The following PDE4D variants were observed in gnomAD, a reference collection of about 807,000 sequenced individuals.
PDE4D encodes 3',5'-cyclic-AMP phosphodiesterase 4D.
A neutral mutation model predicts 87.4 loss-of-function variants in PDE4D; 24 were observed. That is an observed-to-expected ratio of 0.27 (90% confidence interval 0.20 to 0.39). The LOEUF (loss-of-function observed/expected upper bound fraction) is 0.39, where lower values mean the gene tolerates loss of function less well. Ranked by LOEUF, PDE4D falls within the 10% of genes least tolerant of loss-of-function variation. The pLI is 1.00. For missense variants in PDE4D, 714 were observed against 1,041.0 expected (o/e 0.69, Z 4.32); for synonymous variants, 384 against 383.2 (o/e 1.00, Z -0.02).
At chr5:60,079,425 G>A (rs1172582187) in intron 2 of PDE4D, among the ~76,000 whole-genome samples, 1 of 152,098 alleles carries the variant, frequency 6.6e-6, no homozygotes, top group Non-Finnish European at 1.5e-5. Context: ...ATTGCCTTTG[G>A]TGTTTTTGTC....
rs140270775 is a variant in PDE4D at position 60,289,399 on chromosome 5, T to C, written c.-89-103712A>G. Among the ~76,000 whole-genome samples the C allele has an allele frequency of 1.1e-4, 17 of 152,254 alleles. No homozygotes were observed. The East Asian group carries it at 3.1e-3, about 28-fold the overall frequency. On this transcript the variant is annotated intron_variant, in intron 1 of 16. Coordinates refer to the PDE4D transcript ENST00000502484. ...AGTTCTGGAGTAAATTTTAGACAAT[T>C]TGGGTGATCCTATAAATCATGATAA...
At chr5:59,869,124 C>T (rs917318063) in intron 1 of PDE4D, among the ~76,000 whole-genome samples, 13 of 152,174 alleles carry the variant, frequency 8.5e-5, no homozygotes, top group African/African-American at 1.4e-4. Context: ...ATGGAGCTGA[C>T]GATCTGGCTA....
At chr5:60,477,733 C>A (rs1748437022) in intron 1 of PDE4D, among the ~76,000 whole-genome samples, 2 of 152,184 alleles carry the variant, frequency 1.3e-5, no homozygotes, top group African/African-American at 4.8e-5. Context: ...GTGTTGCCAA[C>A]TACCATTTTA....
At chr5:59,747,834 C>T (rs955625646) in intron 1 of PDE4D, among the ~76,000 whole-genome samples, 21 of 152,146 alleles carry the variant, frequency 1.4e-4, no homozygotes, top group African/African-American at 4.6e-4. Flanking sequence ...CTCCTTACCC[C>T]TATTCCCCCA....
At chr5:59,521,892 C>T (rs762615929) in intron 1 of PDE4D, among the ~76,000 whole-genome samples, 3 of 151,958 alleles carry the variant, frequency 2.0e-5, no homozygotes, top group Admixed American at 1.3e-4. Flanking sequence ...ATTTGTTAAC[C>T]GTTGAAGGTT....
At chr5:59,649,905 CTTTTTTT>C (rs1156467369) in intron 1 of PDE4D, among the ~76,000 whole-genome samples, 41 of 72,404 alleles carry the variant, frequency 5.7e-4, no homozygotes, top group African/African-American at 2.6e-3. Context: ...GTTTGTGAAC[CTTTTTTT>C]TTTTTTTTTT....
intron 1 of PDE4D, among the ~76,000 whole-genome samples, chr5:59,564,277 G>A (rs1820530732): frequency 6.6e-6 from 1 of 152,204 alleles, no homozygotes; most frequent in Non-Finnish European, 1.5e-5. Flanking sequence ...TAGAAAGGGA[G>A]CTTCAGGTGA....
chr5:59,026,842 T>C (rs1332476676), intron 6 of PDE4D, among the ~76,000 whole-genome samples: 1 of 152,234 alleles, frequency 6.6e-6, no homozygotes, highest in Non-Finnish European at 1.5e-5. Flanking sequence ...AAAACTTGTG[T>C]AGACATTACA....
chr5:59,609,882 C>G (rs763308892), intron 1 of PDE4D, among the ~76,000 whole-genome samples: 1 of 152,064 alleles, frequency 6.6e-6, no homozygotes, highest in African/African-American at 2.4e-5. Flanking sequence ...AATCATATCC[C>G]GGAAATACAA....
chr5:59,559,053 T>C (rs556221941), intron 1 of PDE4D, among the ~76,000 whole-genome samples: 32 of 152,140 alleles, frequency 2.1e-4, no homozygotes, highest in African/African-American at 7.7e-4. Flanking sequence ...GAGCCAGAAA[T>C]ACTCATATTT....
intron 2 of PDE4D, among the ~76,000 whole-genome samples, chr5:60,139,417 T>C (rs1168757556): frequency 6.6e-6 from 1 of 152,124 alleles, no homozygotes; most frequent in Non-Finnish European, 1.5e-5. Context: ...TCATATACAG[T>C]AGTTTCAATG....
intron 1 of PDE4D, among the ~76,000 whole-genome samples, chr5:59,256,428 C>CT (rs1463232660): frequency 6.6e-6 from 1 of 151,984 alleles, no homozygotes; most frequent in Non-Finnish European, 1.5e-5. Context: ...TTAAAATGAC[C>CT]TTTCAGCCTC....
At chr5:60,108,964 T>A (rs1447211086) in intron 2 of PDE4D, among the ~76,000 whole-genome samples, 1 of 152,180 alleles carries the variant, frequency 6.6e-6, no homozygotes, top group Non-Finnish European at 1.5e-5. Flanking sequence ...GGACTTCATG[T>A]CTAAACCATC....
At chr5:59,361,470 T>C (rs571675394) in intron 1 of PDE4D, among the ~76,000 whole-genome samples, 3 of 152,312 alleles carry the variant, frequency 2.0e-5, no homozygotes, top group African/African-American at 7.2e-5. Context: ...TTCTATTTAA[T>C]ATTCTACTCA....
chr5:59,966,568 G>A (rs543199857), intron 3 of PDE4D, among the ~76,000 whole-genome samples: 125 of 152,244 alleles, frequency 8.2e-4, no homozygotes, highest in African/African-American at 2.9e-3. Flanking sequence ...GAGGCTAATC[G>A]AAGTAGTCAT....
chr5:59,944,446 A>C (rs1209987390), intron 3 of PDE4D, among the ~76,000 whole-genome samples: 4 of 151,926 alleles, frequency 2.6e-5, no homozygotes, highest in East Asian at 1.9e-4. Context: ...CATCTCGGCT[A>C]ACTGCAAGCT....
chr5:59,229,010 A>G (rs1309966676), intron 1 of PDE4D, among the ~76,000 whole-genome samples: 1 of 149,980 alleles, frequency 6.7e-6, no homozygotes, highest in Non-Finnish European at 1.5e-5. Context: ...TTTTTTTTTG[A>G]ACAAACAAAC....
chr5:60,259,996 A>G (rs1749479124), intron 1 of PDE4D, among the ~76,000 whole-genome samples: 1 of 152,066 alleles, frequency 6.6e-6, no homozygotes, highest in African/African-American at 2.4e-5. Context: ...CTTTCAGGAA[A>G]CGCCTCTTAA....
intron 1 of PDE4D, among the ~76,000 whole-genome samples, chr5:60,246,100 T>C (rs1747742688): frequency 6.6e-6 from 1 of 151,564 alleles, no homozygotes; most frequent in African/African-American, 2.4e-5. Context: ...TAAAAGTTAA[T>C]TTTTTTTAAT....
Sources: allele counts gnomAD v4.1 joint callset (sites outside exome capture counted in the v4.1 genomes callset), GRCh38; gene constraint gnomAD v4.1.1; transcripts MANE v1.5; gene names NCBI Gene and HGNC (gene_info 2026-07-23, HGNC 2026-07-21).